The following MARCHF1 variants were observed in gnomAD, a reference collection of about 807,000 sequenced individuals.
MARCHF1 encodes E3 ubiquitin-protein ligase MARCHF1.
In MARCHF1, 40 loss-of-function variants were observed where a neutral mutation model predicts 54.2. The ratio of observed to expected loss-of-function variants is 0.74; its 90% CI spans 0.57 to 0.96. The LOEUF (loss-of-function observed/expected upper bound fraction) is 0.96. Among genes scored for constraint, MARCHF1 ranks in the 40% least tolerant of loss-of-function variants. The pLI, the probability that MARCHF1 is intolerant of heterozygous loss-of-function variation, is 0.00. For synonymous variants in MARCHF1, 236 were observed against 236.3 expected (o/e 1.00, Z 0.01); for missense variants, 586 against 656.5 (o/e 0.89, Z 1.17).
chr4:163,810,471 A>G lies in MARCHF1; in HGVS notation c.111+43550T>C, dbSNP rs139380505. ...CTACTGCTTCACTGGGACCTAAGCA[A>G]GAAAGTCTATGGGTGAATCTATCTC... On this transcript the variant is annotated intron_variant, in intron 4 of 9. Coordinates refer to ENST00000514618, the MANE Select transcript of MARCHF1 (RefSeq NM_001394959.1). 2.2e-3 allele frequency among the ~76,000 whole-genome samples: 341 copies of G among 152,304 alleles called. 2 individuals carry two copies. The highest frequency in any genetic ancestry group is 7.9e-3 in the African/African-American group (328 of 41,578).
At chr4:163,787,859 C>T (rs1411122684) in intron 4 of MARCHF1, among the ~76,000 whole-genome samples, 3 of 151,898 alleles carry the variant, frequency 2.0e-5, no homozygotes, top group Non-Finnish European at 4.4e-5. Flanking sequence ...ATAACAAAAA[C>T]ATGGCATATA....
intron 9 of MARCHF1, among the ~76,000 whole-genome samples, chr4:163,531,600 A>G (rs1306825479): frequency 6.6e-6 from 1 of 151,950 alleles, no homozygotes; most frequent in Non-Finnish European, 1.5e-5. Flanking sequence ...AGCTAATGCA[A>G]TAAAACAAGA....
chr4:164,334,994 CTGA>C (rs765315313), intron 1 of MARCHF1, among the ~76,000 whole-genome samples: 17 of 152,280 alleles, frequency 1.1e-4, no homozygotes, highest in Non-Finnish European at 1.6e-4. Flanking sequence ...TTACCGCAAT[CTGA>C]TGATAAAACT....
intron 2 of MARCHF1, among the ~76,000 whole-genome samples, chr4:164,014,156 C>A (rs1324653964): frequency 1.3e-5 from 2 of 148,864 alleles, no homozygotes; most frequent in African/African-American, 5.0e-5. Context: ...CGCATCACTG[C>A]ACTCCAGCCT....
chr4:164,197,150 C>A (rs115514517), intron 1 of MARCHF1: 1 of 1,606,610 alleles, frequency 6.2e-7, no homozygotes, highest in Non-Finnish European at 8.5e-7. Context: ...TCCTCCTCCT[C>A]GCCCTCCTCA....
chr4:163,959,926 G>A (rs1579423079), intron 3 of MARCHF1, among the ~76,000 whole-genome samples: 1 of 151,766 alleles, frequency 6.6e-6, no homozygotes, highest in Non-Finnish European at 1.5e-5. Flanking sequence ...CCTGACAAAG[G>A]TCTAAAATCC....
chr4:163,770,492 T>G (rs1244420090), intron 4 of MARCHF1, among the ~76,000 whole-genome samples: 1 of 151,034 alleles, frequency 6.6e-6, no homozygotes, highest in Non-Finnish European at 1.5e-5. Context: ...CATAGAAGCA[T>G]AGTTGTTAGA....
chr4:163,932,292 G>A (rs989809622), intron 3 of MARCHF1, among the ~76,000 whole-genome samples: 3 of 152,058 alleles, frequency 2.0e-5, no homozygotes, highest in African/African-American at 7.3e-5. Flanking sequence ...CACATTGACT[G>A]ACTCTTTCTT....
At chr4:163,893,673 A>G (rs571789872) in intron 3 of MARCHF1, among the ~76,000 whole-genome samples, 1 of 152,330 alleles carries the variant, frequency 6.6e-6, no homozygotes, top group South Asian at 2.1e-4. Flanking sequence ...ATGTGAGAAA[A>G]CATTAAAAAA....
At chr4:164,139,107 A>T (rs1434776984) in intron 1 of MARCHF1, among the ~76,000 whole-genome samples, 1 of 152,202 alleles carries the variant, frequency 6.6e-6, no homozygotes, top group African/African-American at 2.4e-5. Flanking sequence ...GTTTTGTGGT[A>T]AGATGAGTAC....
chr4:163,678,278 G>A (rs182027266), intron 5 of MARCHF1, among the ~76,000 whole-genome samples: 47 of 152,230 alleles, frequency 3.1e-4, no homozygotes, highest in Admixed American at 5.2e-4. Context: ...TCTCAGTGTT[G>A]TTTCTATGCC....
chr4:164,356,624 G>T (rs1057140765), intron 1 of MARCHF1, among the ~76,000 whole-genome samples: 2 of 139,988 alleles, frequency 1.4e-5, no homozygotes, highest in African/African-American at 5.2e-5. Flanking sequence ...GGGGTGGGGG[G>T]AGTGGGGAGG....
At chr4:163,931,073 A>C (rs1751662344) in intron 3 of MARCHF1, among the ~76,000 whole-genome samples, 1 of 152,132 alleles carries the variant, frequency 6.6e-6, no homozygotes, top group Non-Finnish European at 1.5e-5. Context: ...TCTAAGAAGA[A>C]GAAAAGAGAA....
At chr4:163,589,086 A>C (rs1044588837) in intron 7 of MARCHF1, among the ~76,000 whole-genome samples, 50 of 151,316 alleles carry the variant, frequency 3.3e-4, no homozygotes, top group Non-Finnish European at 6.8e-4. Context: ...AAAAAAAAAA[A>C]CTGCAGGTAA....
chr4:163,765,797 A>C (rs553686398), intron 4 of MARCHF1, among the ~76,000 whole-genome samples: 1 of 148,666 alleles, frequency 6.7e-6, no homozygotes, highest in Non-Finnish European at 1.5e-5. Flanking sequence ...CTAGCTCTTC[A>C]TCTTAAAGTG....
chr4:163,581,744 G>A lies in MARCHF1; in HGVS notation c.1191+4005C>T, dbSNP rs185101417. Among the ~76,000 whole-genome samples, 55 of 152,214 alleles carry A rather than the reference G, an allele frequency of 3.6e-4. 1 individual carries two copies. The highest frequency in any genetic ancestry group is 4.4e-5 in the Non-Finnish European group (3 of 68,014). ...AGTGGAAAAGTAGAAATACCAAGAT[G>A]ACTACTCTTTTTCATTTGACAGTTA... On this transcript the variant is annotated intron_variant, in intron 8 of 9. Coordinates refer to ENST00000514618, the MANE Select transcript of MARCHF1 (RefSeq NM_001394959.1).
intron 8 of MARCHF1, among the ~76,000 whole-genome samples, chr4:163,579,467 A>G (rs567072659): frequency 6.6e-6 from 1 of 152,352 alleles, no homozygotes; most frequent in South Asian, 2.1e-4. Flanking sequence ...TAAGTAGCAT[A>G]CTAGACTCCT....
At chr4:164,157,079 G>A (rs1730097822) in intron 1 of MARCHF1, among the ~76,000 whole-genome samples, 1 of 151,926 alleles carries the variant, frequency 6.6e-6, no homozygotes, top group African/African-American at 2.4e-5. Flanking sequence ...ATTGCTTTTT[G>A]TATCTCTGAT....
intron 2 of MARCHF1, among the ~76,000 whole-genome samples, chr4:164,100,775 G>C (rs977207336): frequency 1.1e-4 from 16 of 152,236 alleles, no homozygotes; most frequent in African/African-American, 3.6e-4. Flanking sequence ...TGGCCGAATA[G>C]GAACAGCTCC....
Sources: allele counts gnomAD v4.1 joint callset (sites outside exome capture counted in the v4.1 genomes callset), GRCh38; gene constraint gnomAD v4.1.1; transcripts MANE v1.5; gene names NCBI Gene and HGNC (gene_info 2026-07-23, HGNC 2026-07-21).